Variants in KIR2DL3 observed in about 807,000 individuals in gnomAD.
KIR2DL3 encodes killer cell immunoglobulin like receptor, two Ig domains and long cytoplasmic tail 3, also known as killer cell immunoglobulin-like receptor 2DL3.
Under a neutral mutation model 33.8 loss-of-function variants are expected in KIR2DL3, and 39 were observed. The observed-to-expected ratio is 1.15, with a 90% CI of 0.89 to 1.51. The LOEUF (loss-of-function observed/expected upper bound fraction) is 1.51. Ranked by LOEUF, KIR2DL3 falls within the 40% of genes most tolerant of loss-of-function variation. The probability of loss-of-function intolerance (pLI) is 0.00; values close to 1 mark genes in which losing one functional copy is unlikely to be tolerated. For synonymous variants in KIR2DL3, 174 were observed against 160.2 expected, an observed-to-expected ratio of 1.09 and a Z score of -0.65; for missense variants, 462 against 426.2, an observed-to-expected ratio of 1.08 and a Z score of -0.74.
chr19:54,742,135 C>A lies in KIR2DL3; in HGVS notation c.226C>A (p.His76Asn), dbSNP rs1243685413. 2.7e-5 allele frequency: 43 copies of A among 1,613,930 alleles called. No homozygotes were observed. Among genetic ancestry groups the A allele is most frequent in the Non-Finnish European group, 3.6e-5 (43 of 1,180,004 alleles). The stretch of plus-strand genomic sequence containing the variant: ...GGACACTTTGCACCTCATTGGAGAG[C>A]ACCATGATGGGGTCTCCAAGGCCAA... The part of the protein sequence containing the change: ...FKDTLHLIGE[H>N]HDGVSKANFS... Residue 76 changes from histidine to asparagine, a missense_variant, in exon 3 of 8, where the codon CAC (histidine) becomes AAC (asparagine). Coordinates refer to ENST00000342376, the MANE Select transcript of KIR2DL3 (RefSeq NM_015868.3).
At chr19:54,742,561 A>C (rs991095015) in intron 3 of KIR2DL3, among the ~76,000 whole-genome samples, 1 of 151,954 alleles carries the variant, frequency 6.6e-6, no homozygotes, top group Non-Finnish European at 1.5e-5. Context: ...GTGTCCCTCC[A>C]TGCTGACTTT....
chr19:54,746,088 CA>C (rs1217027284), intron 4 of KIR2DL3, among the ~76,000 whole-genome samples: 1 of 134,686 alleles, frequency 7.4e-6, no homozygotes, highest in Non-Finnish European at 1.6e-5. Flanking sequence ...TCTAGGATGA[CA>C]GACGTGAGCC....
At position 54,742,101 on chromosome 19, in the gene KIR2DL3, G is replaced by A; in HGVS notation, c.192G>A (p.Gly64=). The change falls in exon 3 of 8, where the codon GGG becomes GGA. Residue 64 remains glycine (G), a synonymous_variant. Transcript: ENST00000342376. ...AGCACTTCCTTCTGCACAGAGAAGG[G>A]AAGTTTAAGGACACTTTGCACCTCA... ...RFQHFLLHRE[G]KFKDTLHLIG... 1 of 1,613,828 alleles carries A rather than the reference G, an allele frequency of 6.2e-7. No individual in the cohort carries two copies. Among genetic ancestry groups the A allele is most frequent in the South Asian group, 1.1e-5 (1 of 91,034 alleles).
chr19:54,745,896 T>G (rs1203190398), intron 4 of KIR2DL3, among the ~76,000 whole-genome samples: 1 of 143,138 alleles, frequency 7.0e-6, no homozygotes, highest in African/African-American at 2.6e-5. Context: ...CACCACAACC[T>G]CCACCTCCCA....
intron 5 of KIR2DL3, among the ~76,000 whole-genome samples, chr19:54,748,716 G>C (rs1296171062): frequency 7.0e-6 from 1 of 143,100 alleles, no homozygotes; most frequent in East Asian, 2.0e-4. Flanking sequence ...GCGTCTCCTG[G>C]ATTCAAGTGA....
At chr19:54,742,457 T>C (rs559532703) in intron 3 of KIR2DL3, among the ~76,000 whole-genome samples, 178 bp downstream of exon 3, 32 of 151,228 alleles carry the variant, frequency 2.1e-4, no homozygotes, top group Middle Eastern at 3.4e-3. Flanking sequence ...AGACCAGGTG[T>C]CATAACAGAG....
chr19:54,738,896 GATAT>G (rs2070352107), intron 1 of KIR2DL3, among the ~76,000 whole-genome samples: 1 of 146,138 alleles, frequency 6.8e-6, no homozygotes, highest in Non-Finnish European at 1.5e-5. Flanking sequence ...CTGGAGTGGA[GATAT>G]GGGCCTGGAG....
At chr19:54,741,466 A>G (rs2071089262) in intron 2 of KIR2DL3, among the ~76,000 whole-genome samples, 1 of 152,196 alleles carries the variant, frequency 6.6e-6, no homozygotes, top group South Asian at 2.1e-4. Context: ...TACTCCTCCA[A>G]CCAGCACCAG....
intron 5 of KIR2DL3, among the ~76,000 whole-genome samples, chr19:54,747,770 A>G (rs1211078024): frequency 1.3e-5 from 2 of 152,140 alleles, no homozygotes; most frequent in Non-Finnish European, 2.9e-5. Context: ...TTGCCAAGGA[A>G]TGAATTACTG....
chr19:54,739,202 G>A (rs72487148), intron 1 of KIR2DL3, among the ~76,000 whole-genome samples: 19,716 of 123,726 alleles, frequency 0.16, 54 homozygotes, highest in South Asian at 0.2. Flanking sequence ...GGCCTGGGGC[G>A]GAGATATGGG....
intron 4 of KIR2DL3, 119 bp downstream of exon 4, chr19:54,744,207 G>T: frequency 1.3e-6 from 2 of 1,487,234 alleles, no homozygotes; most frequent in Non-Finnish European, 1.8e-6. Flanking sequence ...GCTTGGGTGT[G>T]AGGGAGGGAT....
chr19:54,741,777 T>G (rs568623849), intron 2 of KIR2DL3, among the ~76,000 whole-genome samples: 191 of 151,246 alleles, frequency 1.3e-3, no homozygotes, highest in East Asian at 5.4e-3. Context: ...AATCAGAGGC[T>G]ACTAGAGACA....
Position 54,751,949 on chromosome 19 carries a change from T to C in KIR2DL3, c.820+196T>C, listed in dbSNP as rs1419632293. Among the ~76,000 whole-genome samples, 95 of 131,760 alleles carry C rather than the reference T, an allele frequency of 7.2e-4. 22 individuals carry two copies. The Admixed American group carries it at 7.4e-3, about 10-fold the overall frequency. The allele number at this position is 131,760 out of a possible 152,430, so 86.4% of individuals were successfully genotyped here. On this transcript the variant is annotated intron_variant, in intron 6 of 7. Transcript: ENST00000342376. The stretch of plus-strand genomic sequence containing the variant: ...CACAGACCATTGCCTGATTCTGAAC[T>C]GTATCCTCATGTCCCCTGCAGCCAC...
At chr19:54,747,704 G>C (rs1048860331) in intron 5 of KIR2DL3, among the ~76,000 whole-genome samples, 9 of 152,320 alleles carry the variant, frequency 5.9e-5, no homozygotes, top group African/African-American at 2.2e-4. Flanking sequence ...GGGGGCTTGA[G>C]AGAGGGAAGG....
chr19:54,743,888 A>C lies in KIR2DL3; in HGVS notation c.464A>C (p.Tyr155Ser), dbSNP rs766848786. ...TTGTCCTGCAGCTCCCGGAGCTCCT[A>C]TGACATGTACCATCTATCCAGGGAG... Reference protein sequence around the residue: ...VTLSCSSRSSYDMYHLSREGE... With the variant: ...VTLSCSSRSSSDMYHLSREGE... The change falls in exon 4 of 8, where the codon TAT becomes TCT. Residue 155 changes from tyrosine to serine, a missense_variant. Physicochemically the swap from Tyr to Ser is moderately radical, Grantham distance 144. Transcript: ENST00000342376. 6.2e-7 allele frequency: 1 copy of C among 1,613,898 alleles called. No individual in the cohort carries two copies. The highest frequency in any genetic ancestry group is 8.5e-7 in the Non-Finnish European group (1 of 1,179,984).
intron 4 of KIR2DL3, among the ~76,000 whole-genome samples, chr19:54,745,396 T>A (rs2072302351): frequency 6.6e-6 from 1 of 150,820 alleles, no homozygotes; most frequent in African/African-American, 2.4e-5. Context: ...ACAGTTTCCC[T>A]CTGTGCCCAG....
intron 2 of KIR2DL3, among the ~76,000 whole-genome samples, chr19:54,741,746 G>C (rs1334661346): frequency 4.6e-5 from 7 of 151,028 alleles, no homozygotes; most frequent in Non-Finnish European, 7.4e-5. Flanking sequence ...CAAGAGATGA[G>C]GCTCAGCCCA....
chr19:54,743,964 A>C lies in KIR2DL3; in HGVS notation c.540A>C (p.Thr180=). ...CTGCAGGGCCCAAGGTCAACGGAAC[A>C]TTCCAGGCCGACTTTCCTCTGGGCC... ...RFSAGPKVNG[T]FQADFPLGPA... The change falls in exon 4 of 8, where the codon ACA becomes ACC. Residue 180 remains threonine, a synonymous_variant. Transcript: ENST00000342376. The C allele has an allele frequency of 6.2e-7, 1 of 1,614,238 alleles. No homozygotes were observed. Among genetic ancestry groups the C allele is most frequent in the South Asian group, 1.1e-5 (1 of 91,088 alleles).
chr19:54,745,589 C>G (rs1185838912), intron 4 of KIR2DL3, among the ~76,000 whole-genome samples: 1 of 151,034 alleles, frequency 6.6e-6, no homozygotes, highest in Non-Finnish European at 1.5e-5. Context: ...CTCTCAAACT[C>G]ATGACCTCAA....
Sources: allele counts gnomAD v4.1 joint callset (sites outside exome capture counted in the v4.1 genomes callset), GRCh38; gene constraint gnomAD v4.1.1; transcripts MANE v1.5; gene names NCBI Gene and HGNC (gene_info 2026-07-23, HGNC 2026-07-21).